Variants in EPG5 observed in about 807,000 individuals in gnomAD.
EPG5 encodes the protein ectopic P-granules 5 autophagy tethering factor, also known as ectopic P granules protein 5 homolog.
In EPG5, 159 loss-of-function variants were observed where a neutral mutation model predicts 302.7. The observed-to-expected ratio is 0.53, with a 90% CI of 0.46 to 0.60. The LOEUF (loss-of-function observed/expected upper bound fraction) is 0.60, where lower values mean the gene tolerates loss of function less well. EPG5 is among the 20% of genes least tolerant of loss of function. EPG5 has a pLI of 0.00. For synonymous variants in EPG5, 1,158 were observed against 1,136.8 expected (o/e 1.02, Z -0.37); for missense variants, 2,896 against 3,092.4 (o/e 0.94, Z 1.51).
At chr18:45,903,864 G>T in intron 25 of EPG5, 109 bp downstream of exon 25, 1 of 1,141,294 alleles carries the variant, frequency 8.8e-7, no homozygotes, top group Non-Finnish European at 1.2e-6. Flanking sequence ...TAAAGCACCA[G>T]AGGAAAAATG....
At chr18:45,889,714 GGGT>G in intron 28 of EPG5, 81 bp downstream of exon 28, 40 of 1,256,916 alleles carry the variant, frequency 3.2e-5, no homozygotes, top group South Asian at 6.7e-5. Context: ...GGTGCTGCAG[GGGT>G]GGTGGTGGTA....
chr18:45,949,398 C>A, intron 5 of EPG5, 86 bp downstream of exon 5: 8 of 685,604 alleles, frequency 1.2e-5, no homozygotes, highest in South Asian at 4.5e-5. Context: ...TTAAATAGTC[C>A]TTTTTTTTTC....
At chr18:45,835,077 A>AG in the EPG5 span, among the ~76,000 whole-genome samples, 2 of 152,162 alleles carry the variant, frequency 1.3e-5, no homozygotes, top group East Asian at 1.9e-4. Flanking sequence ...ACATTTGTCC[A>AG]GAAAAAAAAA....
rs928043854 is a variant in EPG5, at chr18:45,916,184, T to G, written c.3407A>C (p.Gln1136Pro). The G allele has an allele frequency of 3.7e-6, 6 of 1,613,584 alleles. No individual in the cohort carries two copies. The African/African-American group carries it at 8.0e-5, about 22-fold the overall frequency. The change falls in exon 19 of 44, where the codon CAG becomes CCG. Residue 1136 changes from glutamine to proline, a missense_variant. Coordinates refer to ENST00000282041, the MANE Select transcript of EPG5 (RefSeq NM_020964.3). ...AGCAACGGGGCCCACTTCATTGGGC[T>G]GAGTGCTTACAGATATGTGTGCCTG... Reference protein sequence around the residue: ...MIQAHISVSTQPNEVGPVAVL... With the variant: ...MIQAHISVSTPPNEVGPVAVL...
intron 27 of EPG5, among the ~76,000 whole-genome samples, chr18:45,896,891 T>A (rs1199324295): frequency 6.6e-6 from 1 of 152,190 alleles, no homozygotes; most frequent in African/African-American, 2.4e-5. Context: ...TTTGGTATGT[T>A]TGTAAAAACA....
downstream of EPG5, chr18:45,842,740 G>T (rs2048336167): frequency 6.4e-6 from 1 of 155,926 alleles, no homozygotes; most frequent in Admixed American, 6.2e-5. Context: ...AGGGGCTTTG[G>T]AAAGTACAAA....
chr18:45,872,670 C>T (rs1468372076), intron 35 of EPG5, among the ~76,000 whole-genome samples: 1 of 152,100 alleles, frequency 6.6e-6, no homozygotes, highest in Non-Finnish European at 1.5e-5. Context: ...CACCACCGCA[C>T]TCCAACCTGG....
chr18:45,924,026 C>CAA (rs533114460), intron 14 of EPG5, among the ~76,000 whole-genome samples: 7 of 96,512 alleles, frequency 7.3e-5, no homozygotes, highest in East Asian at 3.1e-4. Context: ...GATTCTGACT[C>CAA]AAAAAAAAAA....
chr18:45,929,113 G>A, intron 12 of EPG5, 104 bp from the exon 13 acceptor site: 2 of 1,208,576 alleles, frequency 1.7e-6, no homozygotes, highest in Middle Eastern at 2.1e-4. Flanking sequence ...ATCTTACATT[G>A]AGCCTTAATT....
chr18:45,818,907 T>C, the EPG5 span, among the ~76,000 whole-genome samples: 2 of 151,996 alleles, frequency 1.3e-5, no homozygotes, highest in African/African-American at 4.8e-5. Context: ...CTAATTTTCA[T>C]ATTTTTAGTA....
At chr18:45,929,982 G>A (rs1163967709) in intron 12 of EPG5, among the ~76,000 whole-genome samples, 1 of 152,224 alleles carries the variant, frequency 6.6e-6, no homozygotes, top group East Asian at 1.9e-4. Context: ...TATTTTGTAT[G>A]CAGATAAACA....
intron 42 of EPG5, among the ~76,000 whole-genome samples, chr18:45,855,909 G>A (rs1383483631): frequency 6.6e-6 from 1 of 152,148 alleles, no homozygotes; most frequent in Non-Finnish European, 1.5e-5. Flanking sequence ...TGAAAGTGTT[G>A]GCAAAGATGT....
At chr18:45,829,110 A>C in the EPG5 span, 68 of 985,702 alleles carry the variant, frequency 6.9e-5, no homozygotes, top group Admixed American at 1.2e-4. Context: ...CGGGACTCTG[A>C]AGAGCAGCAC....
the EPG5 span, among the ~76,000 whole-genome samples, chr18:45,810,209 T>G: frequency 6.6e-6 from 1 of 152,170 alleles, no homozygotes; most frequent in African/African-American, 2.4e-5. Context: ...GCAGTGAGAT[T>G]GAGATGGTAA....
chr18:45,943,081 G>C, intron 9 of EPG5, 80 bp downstream of exon 9: 1 of 1,364,098 alleles, frequency 7.3e-7, no homozygotes, highest in Non-Finnish European at 1.0e-6. Context: ...CAACTAAAAC[G>C]TCCATCATCC....
chr18:45,811,078 G>T, the EPG5 span, among the ~76,000 whole-genome samples: 3 of 152,084 alleles, frequency 2.0e-5, no homozygotes, highest in African/African-American at 7.2e-5. Flanking sequence ...GGAAAAAGTT[G>T]AAAGCATTCC....
At chr18:45,916,656 G>A in intron 17 of EPG5, 74 bp from the exon 18 acceptor site, 4 of 1,432,768 alleles carry the variant, frequency 2.8e-6, no homozygotes, top group East Asian at 2.5e-5. Flanking sequence ...TTACTTATGA[G>A]GAAACAGAAA....
At chr18:45,801,046 G>T in the EPG5 span, among the ~76,000 whole-genome samples, 19 of 151,936 alleles carry the variant, frequency 1.3e-4, 1 homozygote, top group South Asian at 3.7e-3. Flanking sequence ...GTTGTTTTTC[G>T]GTTTTTTTGA....
intron 35 of EPG5, among the ~76,000 whole-genome samples, chr18:45,871,912 C>T (rs865933026): frequency 5.9e-5 from 9 of 151,984 alleles, no homozygotes; most frequent in African/African-American, 2.2e-4. Flanking sequence ...TTACGTATTT[C>T]GAAATCAGAA....
Sources: allele counts gnomAD v4.1 joint callset (sites outside exome capture counted in the v4.1 genomes callset), GRCh38; gene constraint gnomAD v4.1.1; transcripts MANE v1.5; gene names NCBI Gene and HGNC (gene_info 2026-07-23, HGNC 2026-07-21).